PTK2: variants seen among roughly 807,000 people sequenced by gnomAD.
The protein encoded by PTK2 is focal adhesion kinase 1.
PTK2 carries 45 observed loss-of-function variants against 150.1 expected under a neutral mutation model. The observed-to-expected ratio is 0.30, with a 90% CI of 0.24 to 0.38. The LOEUF (loss-of-function observed/expected upper bound fraction) is 0.38. Ranked by LOEUF, PTK2 falls within the 10% of genes least tolerant of loss-of-function variation. The pLI, the probability that PTK2 is intolerant of heterozygous loss-of-function variation, is 1.00. For synonymous variants in PTK2, 432 were observed against 449.2 expected (o/e 0.96, Z 0.48); for missense variants, 919 against 1,307.3 (o/e 0.70, Z 4.58).
chr8:140,800,858 T>C (rs1230476269), intron 11 of PTK2, among the ~76,000 whole-genome samples: 1 of 152,202 alleles, frequency 6.6e-6, no homozygotes, highest in Non-Finnish European at 1.5e-5. Flanking sequence ...CTTCAGAGTG[T>C]CTGGCCCCTC....
chr8:140,771,073 A>T (rs2100075217), intron 14 of PTK2: 1 of 155,188 alleles, frequency 6.4e-6, no homozygotes, highest in Non-Finnish European at 1.4e-5. Flanking sequence ...AGCCAGTTGA[A>T]TATTCAGATA....
At chr8:140,692,687 T>C (rs1424560643) in intron 26 of PTK2, among the ~76,000 whole-genome samples, 2 of 151,894 alleles carry the variant, frequency 1.3e-5, no homozygotes, top group Admixed American at 1.3e-4. Flanking sequence ...TACTTTCATG[T>C]GGGTATGGCT....
intron 2 of PTK2, among the ~76,000 whole-genome samples, chr8:140,905,991 C>G (rs963327490): frequency 6.6e-6 from 1 of 151,350 alleles, no homozygotes; most frequent in Admixed American, 6.6e-5. Context: ...CACAACATGC[C>G]AGATCCTGTC....
At chr8:140,697,852 G>GTTTTTTTTTTTTTTTTTTT in intron 26 of PTK2, among the ~76,000 whole-genome samples, 1 of 47,968 alleles carries the variant, frequency 2.1e-5, no homozygotes, top group Non-Finnish European at 3.5e-5. Flanking sequence ...AGGGTTTACT[G>GTTTTTTTTTTTTTTTTTTT]TTTTTTTTTT....
chr8:140,778,564 G>A (rs1054170627), intron 14 of PTK2, among the ~76,000 whole-genome samples: 19 of 152,244 alleles, frequency 1.2e-4, no homozygotes, highest in African/African-American at 3.4e-4. Flanking sequence ...CAAAGTGGCT[G>A]TGAGATGGAA....
At chr8:140,725,594 G>C (rs376076799) in intron 22 of PTK2, among the ~76,000 whole-genome samples, 4 of 152,128 alleles carry the variant, frequency 2.6e-5, no homozygotes, top group African/African-American at 9.7e-5. Flanking sequence ...AAAGGTAATC[G>C]GAAAAAAGTG....
rs1323445550 is a variant in PTK2 at position 140,693,579 on chromosome 8, A to T, written c.2500-6885T>A. Among the ~76,000 whole-genome samples the T allele has an allele frequency of 2.7e-3, 358 of 132,456 alleles. 24 individuals carry two copies. The highest frequency in any genetic ancestry group is 0.01 in the African/African-American group (319 of 30,464). 86.9% of individuals were successfully genotyped at this position (132,456 alleles called of 152,430 possible). ...TTGTCTCAATTAAAAAAAAAAAAAA[A>T]AAAAAAAAAAAAAAAAAAAAAAAGG... is the stretch of plus-strand genomic sequence containing the variant. On this transcript the variant is annotated intron_variant, in intron 26 of 31. Transcript: ENST00000522684.
At chr8:140,670,068 AAGG>A (rs973752883) in intron 29 of PTK2, 4 of 264,840 alleles carry the variant, frequency 1.5e-5, no homozygotes, top group African/African-American at 6.6e-5. Flanking sequence ...TTCAAAAAGA[AAGG>A]AGGAGGAGGA....
chr8:140,964,287 G>C (rs995102691), intron 1 of PTK2, among the ~76,000 whole-genome samples: 17 of 152,078 alleles, frequency 1.1e-4, no homozygotes, highest in Non-Finnish European at 2.2e-4. Flanking sequence ...AGTGCAGTGA[G>C]GAGAGCCTAG....
At chr8:140,842,416 C>A in intron 7 of PTK2, among the ~76,000 whole-genome samples, 1 of 151,758 alleles carries the variant, frequency 6.6e-6, no homozygotes, top group Non-Finnish European at 1.5e-5. Flanking sequence ...GGATAATAAT[C>A]ATAATTATAG....
intron 14 of PTK2, among the ~76,000 whole-genome samples, chr8:140,782,306 G>A (rs1339373197): frequency 6.6e-6 from 1 of 151,664 alleles, no homozygotes; most frequent in Non-Finnish European, 1.5e-5. Flanking sequence ...GTACAGTGGG[G>A]TGATCTCAGC....
chr8:140,920,870 C>A (rs1214178867), intron 2 of PTK2: 14 of 1,529,240 alleles, frequency 9.2e-6, no homozygotes, highest in South Asian at 1.2e-5. Context: ...ATAGATGGCA[C>A]CTGCTGGTTT....
At chr8:140,675,533 GTA>G in intron 27 of PTK2, 34 bp from the exon 31 acceptor site, 1 of 1,523,864 alleles carries the variant, frequency 6.6e-7, no homozygotes. Context: ...CAATGCACTG[GTA>G]TATACACTTG....
At chr8:140,957,300 C>T (rs569427536) in intron 1 of PTK2, among the ~76,000 whole-genome samples, 2 of 152,048 alleles carry the variant, frequency 1.3e-5, no homozygotes, top group Admixed American at 6.6e-5. Context: ...TGGTGGCACA[C>T]GCATGTAGTC....
At chr8:140,668,308 G>A (rs1218578385) in exon 30 of PTK2, 2 of 1,614,058 alleles carry the variant, frequency 1.2e-6, no homozygotes. Flanking sequence ...GGGCTGGCTG[G>A]ATTTTACTGG....
At chr8:140,901,228 ATCTCTC>A (rs57637314) in intron 2 of PTK2, among the ~76,000 whole-genome samples, 6 of 150,172 alleles carry the variant, frequency 4.0e-5, no homozygotes, top group Admixed American at 2.7e-4. Flanking sequence ...ATGAAATTAC[ATCTCTC>A]TCTCTCTCTC....
intron 26 of PTK2, among the ~76,000 whole-genome samples, chr8:140,693,615 A>G (rs2100024574): frequency 1.4e-5 from 2 of 143,898 alleles, no homozygotes; most frequent in Admixed American, 1.4e-4. Context: ...AGCACTAGGT[A>G]TAGTACAGAG....
chr8:140,912,049 A>C (rs1432368024), intron 2 of PTK2, among the ~76,000 whole-genome samples: 3 of 152,116 alleles, frequency 2.0e-5, no homozygotes, highest in African/African-American at 7.2e-5. Context: ...CCTAGGCAAC[A>C]AAACGAGACC....
At chr8:140,867,257 A>G (rs1338221455) in intron 4 of PTK2, among the ~76,000 whole-genome samples, 2 of 152,170 alleles carry the variant, frequency 1.3e-5, no homozygotes, top group Non-Finnish European at 2.9e-5. Context: ...CCAAAGGAAG[A>G]AGGAGGGAGA....
Sources: gnomAD v4.1 joint callset for allele counts (sites outside exome capture counted in the v4.1 genomes callset) on GRCh38, gnomAD v4.1.1 for gene constraint, MANE v1.5 for transcripts, NCBI Gene and HGNC (gene_info 2026-07-23, HGNC 2026-07-21) for gene names.